The following GALNTL6 variants were observed in gnomAD, a reference collection of about 807,000 sequenced individuals.
GALNTL6 encodes polypeptide N-acetylgalactosaminyltransferase like 6.
A neutral mutation model predicts 73.7 loss-of-function variants in GALNTL6; 46 were observed. The observed-to-expected ratio is 0.62, with a 90% CI of 0.49 to 0.80. The LOEUF (loss-of-function observed/expected upper bound fraction) is 0.80, where lower values mean the gene tolerates loss of function less well. Among genes scored for constraint, GALNTL6 ranks in the 30% least tolerant of loss-of-function variants. The pLI, the probability that GALNTL6 is intolerant of heterozygous loss-of-function variation, is 0.00. For synonymous variants in GALNTL6, 259 were observed against 263.7 expected (o/e 0.98, Z 0.17); for missense variants, 604 against 755.0 (o/e 0.80, Z 2.34).
intron 2 of GALNTL6, among the ~76,000 whole-genome samples, chr4:171,954,204 A>G (rs1276543515): frequency 6.6e-6 from 1 of 152,228 alleles, no homozygotes; most frequent in Non-Finnish European, 1.5e-5. Context: ...AATTCTATTC[A>G]TAACTCATTG....
intron 2 of GALNTL6, among the ~76,000 whole-genome samples, chr4:171,961,875 C>G (rs1489008200): frequency 6.6e-6 from 1 of 152,150 alleles, no homozygotes; most frequent in East Asian, 1.9e-4. Flanking sequence ...AGAAAGCCTT[C>G]TTAATTAGTT....
chr4:172,285,238 T>C (rs891028404), intron 3 of GALNTL6, among the ~76,000 whole-genome samples: 3 of 152,154 alleles, frequency 2.0e-5, no homozygotes, highest in Non-Finnish European at 4.4e-5. Context: ...TTCTCACAAG[T>C]CTGTGAGGAA....
intron 2 of GALNTL6, among the ~76,000 whole-genome samples, chr4:171,836,025 G>A (rs1735085135): frequency 6.6e-6 from 1 of 151,946 alleles, no homozygotes; most frequent in East Asian, 1.9e-4. Context: ...GGAGCTGAAG[G>A]GAAAATGATA....
intron 5 of GALNTL6, among the ~76,000 whole-genome samples, chr4:172,700,193 C>G (rs1007511615): frequency 6.6e-6 from 1 of 151,982 alleles, no homozygotes; most frequent in Non-Finnish European, 1.5e-5. Context: ...AAGGGGTAAC[C>G]AAACAGAGTC....
At chr4:173,005,883 C>T (rs1752256477) in intron 10 of GALNTL6, among the ~76,000 whole-genome samples, 1 of 152,192 alleles carries the variant, frequency 6.6e-6, no homozygotes, top group Non-Finnish European at 1.5e-5. Context: ...ATTGTCTACA[C>T]AGATGCCACT....
intron 5 of GALNTL6, among the ~76,000 whole-genome samples, chr4:172,357,411 A>G (rs1431639996): frequency 1.3e-5 from 2 of 152,102 alleles, no homozygotes; most frequent in African/African-American, 2.4e-5. Flanking sequence ...TCACAGGGCC[A>G]TGCTGGTGCG....
intron 5 of GALNTL6, among the ~76,000 whole-genome samples, chr4:172,478,859 A>G (rs1733336574): frequency 6.6e-6 from 1 of 152,234 alleles, no homozygotes; most frequent in Non-Finnish European, 1.5e-5. Context: ...AACATCATGA[A>G]CAGACAGTTC....
intron 5 of GALNTL6, among the ~76,000 whole-genome samples, chr4:172,533,876 C>A (rs748160832): frequency 6.2e-4 from 95 of 152,086 alleles, no homozygotes; most frequent in Non-Finnish European, 1.2e-3. Flanking sequence ...TGAGAATTAC[C>A]TGAGATTCAT....
intron 3 of GALNTL6, among the ~76,000 whole-genome samples, chr4:172,241,720 A>G (rs769692252): frequency 6.6e-6 from 1 of 152,218 alleles, no homozygotes; most frequent in Non-Finnish European, 1.5e-5. Flanking sequence ...TTATCCAATT[A>G]ACTCTGATTT....
intron 8 of GALNTL6, among the ~76,000 whole-genome samples, chr4:172,889,315 G>A (rs1358714924): frequency 6.6e-6 from 1 of 152,146 alleles, no homozygotes; most frequent in East Asian, 1.9e-4. Flanking sequence ...TGGTGAGGAT[G>A]GGCATCCTTG....
chr4:172,900,056 C>A (rs1187833982), intron 8 of GALNTL6, among the ~76,000 whole-genome samples: 1 of 152,084 alleles, frequency 6.6e-6, no homozygotes, highest in African/African-American at 2.4e-5. Context: ...ATGCCTTAAC[C>A]TCCTAGGAAT....
chr4:172,312,309 A>G (rs1740390475), intron 4 of GALNTL6, among the ~76,000 whole-genome samples: 1 of 152,234 alleles, frequency 6.6e-6, no homozygotes, highest in Non-Finnish European at 1.5e-5. Context: ...CTGTAACTGC[A>G]TATTATAGTT....
At chr4:172,105,182 A>G (rs1455693549) in intron 2 of GALNTL6, among the ~76,000 whole-genome samples, 3 of 152,122 alleles carry the variant, frequency 2.0e-5, no homozygotes, top group East Asian at 3.8e-4. Flanking sequence ...TAGGAATTCT[A>G]GAAATAAAAA....
chr4:172,961,321 G>T (rs1750041898), intron 10 of GALNTL6, among the ~76,000 whole-genome samples: 1 of 150,596 alleles, frequency 6.6e-6, no homozygotes, highest in Admixed American at 6.6e-5. Context: ...CCCCAGGAAA[G>T]TGGAGAAGGG....
At chr4:171,995,581 C>G (rs151010464) in intron 2 of GALNTL6, among the ~76,000 whole-genome samples, 1 of 151,884 alleles carries the variant, frequency 6.6e-6, no homozygotes, top group African/African-American at 2.4e-5. Flanking sequence ...AGAGTATGTG[C>G]AGTCTTTCCC....
At chr4:171,868,158 T>C (rs1736023669) in intron 2 of GALNTL6, among the ~76,000 whole-genome samples, 1 of 151,854 alleles carries the variant, frequency 6.6e-6, no homozygotes, top group Non-Finnish European at 1.5e-5. Flanking sequence ...GGCTATTTTG[T>C]TTTTTCTTTT....
chr4:171,978,144 A>C (rs1193339016), intron 2 of GALNTL6, among the ~76,000 whole-genome samples: 1 of 152,110 alleles, frequency 6.6e-6, no homozygotes, highest in African/African-American at 2.4e-5. Context: ...TTCATAGCAA[A>C]ATTGCATTAA....
intron 2 of GALNTL6, among the ~76,000 whole-genome samples, chr4:172,073,441 G>A (rs1210588327): frequency 6.6e-6 from 1 of 152,164 alleles, no homozygotes; most frequent in Non-Finnish European, 1.5e-5. Flanking sequence ...AAATCAAATG[G>A]TGAAAGAGAA....
At chr4:172,893,841 T>C (rs1157170210) in intron 8 of GALNTL6, among the ~76,000 whole-genome samples, 1 of 152,160 alleles carries the variant, frequency 6.6e-6, no homozygotes, top group East Asian at 1.9e-4. Flanking sequence ...GGCAGTTCCC[T>C]CTGCCAATTC....
Sources: gnomAD v4.1 joint callset for allele counts (sites outside exome capture counted in the v4.1 genomes callset) on GRCh38, gnomAD v4.1.1 for gene constraint, MANE v1.5 for transcripts, NCBI Gene and HGNC (gene_info 2026-07-23, HGNC 2026-07-21) for gene names.